BRINP2: variants seen among roughly 807,000 people sequenced by gnomAD.
BRINP2 encodes the protein BMP/retinoic acid-inducible neural-specific protein 2.
Under a neutral mutation model 69.2 loss-of-function variants are expected in BRINP2, and 21 were observed. The observed-to-expected ratio is 0.30, with a 90% CI of 0.22 to 0.44. The LOEUF (loss-of-function observed/expected upper bound fraction) is 0.44, where lower values mean the gene tolerates loss of function less well. Ranked by LOEUF, BRINP2 falls within the 20% of genes least tolerant of loss-of-function variation. BRINP2 has a pLI of 1.00. For synonymous variants in BRINP2, 380 were observed against 394.1 expected (o/e 0.96, Z 0.42); for missense variants, 877 against 986.0 (o/e 0.89, Z 1.48).
intron 1 of BRINP2, among the ~76,000 whole-genome samples, chr1:177,212,341 C>T (rs1366870704): frequency 1.3e-5 from 2 of 151,996 alleles, no homozygotes; most frequent in African/African-American, 2.4e-5. Flanking sequence ...GTCAGGAGAT[C>T]GAGACCATCC....
At chr1:177,197,963 G>A (rs1208734724) in intron 1 of BRINP2, among the ~76,000 whole-genome samples, 1 of 152,160 alleles carries the variant, frequency 6.6e-6, no homozygotes, top group East Asian at 1.9e-4. Context: ...ATTTTAAGCA[G>A]ATCAAATTTG....
intron 1 of BRINP2, among the ~76,000 whole-genome samples, chr1:177,183,208 G>A (rs1648320079): frequency 7.2e-6 from 1 of 139,174 alleles, no homozygotes; most frequent in African/African-American, 2.7e-5. Context: ...AATGCAGTGA[G>A]CAAAATGGAT....
intron 4 of BRINP2, among the ~76,000 whole-genome samples, chr1:177,263,815 G>A (rs1356394123): frequency 6.6e-6 from 1 of 152,032 alleles, no homozygotes; most frequent in African/African-American, 2.4e-5. Context: ...ACTCACTGAT[G>A]TGATTTTTTT....
chr1:177,190,430 A>T (rs555729634), intron 1 of BRINP2, among the ~76,000 whole-genome samples: 1 of 152,248 alleles, frequency 6.6e-6, no homozygotes, highest in African/African-American at 2.4e-5. Flanking sequence ...CTTTCTGCTT[A>T]TGTCGCACTT....
Position 177,248,452 on chromosome 1 carries a change from TGTGC to T in BRINP2, c.270-7459_270-7456del, listed in dbSNP as rs1216887504. On this transcript the variant is annotated intron_variant, in intron 2 of 7. Transcript: ENST00000361539. ...GGTACAGTTTGTGTGTGTGTGTGTG[TGTGC>T]GTGCGTGTGTGTGTGCGTGTGTGTG... 5.9e-3 allele frequency among the ~76,000 whole-genome samples: 891 copies of T among 151,220 alleles called. 9 individuals carry two copies. The highest frequency in any genetic ancestry group is 0.02 in the African/African-American group (834 of 41,070).
At chr1:177,279,773 G>A (rs867222737) in intron 7 of BRINP2, among the ~76,000 whole-genome samples, 11 of 152,226 alleles carry the variant, frequency 7.2e-5, no homozygotes, top group Admixed American at 2.6e-4. Context: ...CAGGGAAGCC[G>A]TTTATAAACA....
intron 5 of BRINP2, among the ~76,000 whole-genome samples, chr1:177,275,420 A>C (rs1442330153): frequency 2.6e-5 from 4 of 152,170 alleles, no homozygotes; most frequent in African/African-American, 9.7e-5. Flanking sequence ...TTCAGAGTTA[A>C]ATCCTATTGA....
chr1:177,178,401 C>T (rs183079045), intron 1 of BRINP2, among the ~76,000 whole-genome samples: 5 of 152,112 alleles, frequency 3.3e-5, no homozygotes, highest in East Asian at 1.9e-4. Context: ...TCCTACATCC[C>T]GCTTCTCACA....
intron 2 of BRINP2, among the ~76,000 whole-genome samples, chr1:177,243,030 G>A (rs966013792): frequency 2.0e-5 from 3 of 151,754 alleles, no homozygotes; most frequent in African/African-American, 4.8e-5. Context: ...TAGTACTTTC[G>A]TTATAGGATT....
At chr1:177,214,896 A>G (rs939306464) in intron 1 of BRINP2, among the ~76,000 whole-genome samples, 2 of 152,328 alleles carry the variant, frequency 1.3e-5, no homozygotes, top group Non-Finnish European at 2.9e-5. Flanking sequence ...CAAATATTTG[A>G]CATTTTTGTG....
chr1:177,174,918 G>A (rs1648042977), intron 1 of BRINP2, among the ~76,000 whole-genome samples: 1 of 152,102 alleles, frequency 6.6e-6, no homozygotes, highest in Non-Finnish European at 1.5e-5. Context: ...TATATTGTGG[G>A]AAAAGTATTG....
At chr1:177,196,547 G>A (rs1021913110) in intron 1 of BRINP2, among the ~76,000 whole-genome samples, 3 of 152,020 alleles carry the variant, frequency 2.0e-5, no homozygotes, top group South Asian at 2.1e-4. Context: ...GAACCCGGGA[G>A]TCAGAGGTTG....
rs752035032 is a variant in BRINP2 at position 177,229,831 on chromosome 1, G to T, written c.-46G>T. The T allele has an allele frequency of 1.3e-4, 197 of 1,540,686 alleles. No homozygotes were observed. Among genetic ancestry groups the T allele is most frequent in the Non-Finnish European group, 1.2e-4 (138 of 1,139,226 alleles). On this transcript the variant is annotated 5_prime_UTR_variant, in exon 2 of 8. Transcript: ENST00000361539. The stretch of plus-strand genomic sequence containing the variant: ...AGCCCTGGAGGAGCAGCACGGAGCG[G>T]GAGAGCGTGGCGAGAGAATGAAGAA...
chr1:177,256,893 G>C (rs1329238625), intron 3 of BRINP2: 2 of 1,248,484 alleles, frequency 1.6e-6, no homozygotes, highest in African/African-American at 3.1e-5. Context: ...CCCCTATGAA[G>C]ATGGATTGCT....
chr1:177,243,340 A>C (rs997547818), intron 2 of BRINP2, among the ~76,000 whole-genome samples: 1 of 152,220 alleles, frequency 6.6e-6, no homozygotes, highest in African/African-American at 2.4e-5. Context: ...ATAGTTGTAG[A>C]TAGTTCAAAA....
At chr1:177,228,381 C>T (rs1334497354) in intron 1 of BRINP2, among the ~76,000 whole-genome samples, 3 of 152,172 alleles carry the variant, frequency 2.0e-5, no homozygotes, top group Middle Eastern at 3.2e-3. Flanking sequence ...TGTTTCCAGC[C>T]TCTGTGCAGC....
chr1:177,183,954 G>A (rs557420294), intron 1 of BRINP2, among the ~76,000 whole-genome samples: 1 of 152,154 alleles, frequency 6.6e-6, no homozygotes, highest in Non-Finnish European at 1.5e-5. Context: ...CATTCAATGA[G>A]AAATAATTAT....
intron 2 of BRINP2, among the ~76,000 whole-genome samples, chr1:177,246,585 A>G (rs1336011056): frequency 2.6e-5 from 4 of 152,244 alleles, no homozygotes; most frequent in Admixed American, 2.0e-4. Flanking sequence ...TTGAGCAATA[A>G]AAGTTGGAGG....
chr1:177,270,554 G>A (rs564196194), intron 4 of BRINP2, among the ~76,000 whole-genome samples: 64 of 152,062 alleles, frequency 4.2e-4, no homozygotes, highest in African/African-American at 1.4e-3. Context: ...GAGAAGTGGG[G>A]GGAAAGGAAA....
Sources: allele counts gnomAD v4.1 joint callset (sites outside exome capture counted in the v4.1 genomes callset), GRCh38; gene constraint gnomAD v4.1.1; transcripts MANE v1.5; gene names NCBI Gene and HGNC (gene_info 2026-07-23, HGNC 2026-07-21).